Variants in DLG2 observed in about 807,000 individuals in gnomAD.
DLG2 encodes discs large MAGUK scaffold protein 2.
In DLG2, 45 loss-of-function variants were observed where a neutral mutation model predicts 132.5. That is an observed-to-expected ratio of 0.34 (90% confidence interval 0.27 to 0.44). The LOEUF is 0.44. Ranked by LOEUF, DLG2 falls within the 20% of genes least tolerant of loss-of-function variation. The pLI is 1.00. For synonymous variants in DLG2, 424 were observed against 419.6 expected, an observed-to-expected ratio of 1.01 and a Z score of -0.13; for missense variants, 1,045 against 1,196.9, an observed-to-expected ratio of 0.87 and a Z score of 1.87.
intron 6 of DLG2, among the ~76,000 whole-genome samples, chr11:85,083,445 T>C (rs1368391422): frequency 1.3e-5 from 2 of 152,172 alleles, no homozygotes; most frequent in African/African-American, 2.4e-5. Flanking sequence ...TAAAAGTTTA[T>C]TGTGCCAAGG....
chr11:84,651,288 T>C (rs2099681728), intron 6 of DLG2, among the ~76,000 whole-genome samples: 1 of 152,180 alleles, frequency 6.6e-6, no homozygotes, highest in Non-Finnish European at 1.5e-5. Context: ...ATCATACTTA[T>C]TGTTCCAACT....
At chr11:84,091,864 A>G (rs539867656) in intron 10 of DLG2, among the ~76,000 whole-genome samples, 1 of 152,084 alleles carries the variant, frequency 6.6e-6, no homozygotes, top group Non-Finnish European at 1.5e-5. Context: ...ATTCCTTGTG[A>G]CTGTATGTCT....
intron 9 of DLG2, among the ~76,000 whole-genome samples, chr11:84,156,083 G>C (rs2095422648): frequency 6.6e-6 from 1 of 152,128 alleles, no homozygotes; most frequent in African/African-American, 2.4e-5. Context: ...AGGAACGATA[G>C]AAGAATATAT....
chr11:84,513,246 T>C lies in DLG2; in HGVS notation c.519+21324A>G, dbSNP rs149535520. Reference sequence around the variant, plus strand: ...ATTAGAAGAACCAATATTGTTAAAATGTCCATACTACCCAAAGCAATCTAC... The same window carrying C: ...ATTAGAAGAACCAATATTGTTAAAACGTCCATACTACCCAAAGCAATCTAC... On this transcript the variant is annotated intron_variant, in intron 7 of 27. Coordinates refer to ENST00000376104, the MANE Select transcript of DLG2 (RefSeq NM_001142699.3). 9.2e-3 allele frequency among the ~76,000 whole-genome samples: 1,400 copies of C among 152,240 alleles called. 17 individuals are homozygous for C. Among genetic ancestry groups the C allele is most frequent in the Middle Eastern group, 0.031 (9 of 294 alleles).
chr11:84,534,864 G>C, intron 6 of DLG2, 133 bp from the exon 7 acceptor site: 1 of 1,032,236 alleles, frequency 9.7e-7, no homozygotes, highest in South Asian at 1.3e-5. Flanking sequence ...AATGGGCTTT[G>C]CTGCAGACTC....
chr11:84,321,824 G>C (rs1301797527), intron 7 of DLG2, among the ~76,000 whole-genome samples: 1 of 152,120 alleles, frequency 6.6e-6, no homozygotes, highest in Non-Finnish European at 1.5e-5. Context: ...TGTCTTCCCT[G>C]TCCTTTGGAG....
intron 21 of DLG2, among the ~76,000 whole-genome samples, chr11:83,499,895 A>ATATATATATATATATACATCTATC: frequency 8.7e-6 from 1 of 114,526 alleles, no homozygotes; most frequent in African/African-American, 3.5e-5. Flanking sequence ...ATATATATAT[A>ATATATATATATATATACATCTATC]TATCAGTTCT....
intron 6 of DLG2, 74 bp downstream of exon 6, chr11:85,111,587 A>C (rs1052460470): frequency 3.2e-6 from 4 of 1,255,494 alleles, no homozygotes; most frequent in Non-Finnish European, 4.4e-6. Context: ...ATTCTGGCTC[A>C]TTCCACTAAG....
chr11:85,585,441 C>T (rs1331107928), intron 3 of DLG2, among the ~76,000 whole-genome samples: 1 of 152,136 alleles, frequency 6.6e-6, no homozygotes, highest in African/African-American at 2.4e-5. Context: ...GTAGGACTTC[C>T]AAAACTATGT....
At chr11:83,879,058 G>C (rs1436891674) in intron 15 of DLG2, among the ~76,000 whole-genome samples, 2 of 152,100 alleles carry the variant, frequency 1.3e-5, no homozygotes, top group African/African-American at 4.8e-5. Flanking sequence ...AAATTTGAAT[G>C]GTGCTGAAAG....
intron 22 of DLG2, among the ~76,000 whole-genome samples, chr11:83,477,591 G>GAAAC (rs1292977107): frequency 6.6e-6 from 1 of 152,056 alleles, no homozygotes; most frequent in Non-Finnish European, 1.5e-5. Context: ...TCCAGACTGT[G>GAAAC]AAACACAATG....
At chr11:85,150,203 G>C (rs1312089194) in intron 5 of DLG2, among the ~76,000 whole-genome samples, 3 of 151,522 alleles carry the variant, frequency 2.0e-5, no homozygotes, top group African/African-American at 4.9e-5. Flanking sequence ...TGTATTTTTA[G>C]TAGAGACAGG....
chr11:84,398,750 T>C (rs1164249086), intron 7 of DLG2, among the ~76,000 whole-genome samples: 1 of 150,280 alleles, frequency 6.7e-6, no homozygotes, highest in Non-Finnish European at 1.5e-5. Context: ...GTGATGGGTT[T>C]ACACAATTCT....
intron 6 of DLG2, among the ~76,000 whole-genome samples, chr11:84,589,154 G>C (rs955290324): frequency 6.6e-6 from 1 of 152,178 alleles, no homozygotes; most frequent in Admixed American, 6.5e-5. Context: ...AAGAAAGAGA[G>C]AATGTCTTTG....
At chr11:84,476,909 C>A (rs2099123174) in intron 7 of DLG2, among the ~76,000 whole-genome samples, 1 of 152,112 alleles carries the variant, frequency 6.6e-6, no homozygotes, top group South Asian at 2.1e-4. Flanking sequence ...TATCTGAATG[C>A]CTGGCCACAG....
chr11:84,836,427 G>A (rs1255801360), intron 6 of DLG2, among the ~76,000 whole-genome samples: 1 of 151,614 alleles, frequency 6.6e-6, no homozygotes, highest in African/African-American at 2.4e-5. Flanking sequence ...CCAGAAAACT[G>A]GGTTCAGAAA....
At chr11:84,622,424 A>T (rs1307262249) in intron 6 of DLG2, among the ~76,000 whole-genome samples, 1 of 152,186 alleles carries the variant, frequency 6.6e-6, no homozygotes, top group Non-Finnish European at 1.5e-5. Flanking sequence ...AACTACAAAC[A>T]TTCTTGGATA....
At chr11:84,545,121 T>C (rs1409127005) in intron 6 of DLG2, 1 of 446,292 alleles carries the variant, frequency 2.2e-6, no homozygotes, top group Admixed American at 2.5e-5. Context: ...GCTTTGTTTC[T>C]TTGCAGTAAT....
chr11:83,836,720 A>G (rs1256004078), intron 16 of DLG2, among the ~76,000 whole-genome samples: 2 of 152,208 alleles, frequency 1.3e-5, no homozygotes, highest in East Asian at 3.8e-4. Flanking sequence ...CCACTATCAG[A>G]GAGACAACGG....
Sources: allele counts gnomAD v4.1 joint callset (sites outside exome capture counted in the v4.1 genomes callset), GRCh38; gene constraint gnomAD v4.1.1; transcripts MANE v1.5; gene names NCBI Gene and HGNC (gene_info 2026-07-23, HGNC 2026-07-21).